Variants in HPSE2 observed in about 807,000 individuals in gnomAD.
HPSE2 encodes inactive heparanase-2.
In HPSE2, 38 loss-of-function variants were observed where a neutral mutation model predicts 60.5. The ratio of observed to expected loss-of-function variants is 0.63; its 90% confidence interval spans 0.48 to 0.82. The LOEUF is 0.82. HPSE2 is among the 40% of genes least tolerant of loss of function. The pLI, the probability that HPSE2 is intolerant of heterozygous loss-of-function variation, is 0.00. For missense variants in HPSE2, 713 were observed against 740.4 expected (o/e 0.96, Z 0.43); for synonymous variants, 295 against 293.2 (o/e 1.01, Z -0.06).
chr10:98,572,179 GATCTGCCCACCTCAGCTC>G (rs1387854202), intron 9 of HPSE2, among the ~76,000 whole-genome samples: 1 of 152,050 alleles, frequency 6.6e-6, no homozygotes, highest in Non-Finnish European at 1.5e-5. Flanking sequence ...GACCTCAGGT[GATCTGCCCACCTCAGCTC>G]CCAAAGTGCT....
intron 2 of HPSE2, among the ~76,000 whole-genome samples, chr10:99,153,396 T>C (rs1846370752): frequency 6.6e-6 from 1 of 152,126 alleles, no homozygotes; most frequent in African/African-American, 2.4e-5. Context: ...AGCAGGCAGG[T>C]AGAGATCTGA....
chr10:98,611,293 T>C (rs912249317), intron 9 of HPSE2, among the ~76,000 whole-genome samples: 2 of 152,168 alleles, frequency 1.3e-5, no homozygotes, highest in African/African-American at 4.8e-5. Flanking sequence ...CCTCATATTC[T>C]CTCTTACCTT....
chr10:99,184,819 T>TATATATATATATATATAG (rs1554912295), intron 2 of HPSE2, among the ~76,000 whole-genome samples: 1 of 19,864 alleles, frequency 5.0e-5, no homozygotes, highest in Non-Finnish European at 9.9e-5. Context: ...TATATATATA[T>TATATATATATATATATAG]AGAGAGAGAG....
the HPSE2 span, among the ~76,000 whole-genome samples, chr10:99,290,488 G>T: frequency 6.6e-6 from 1 of 152,184 alleles, no homozygotes; most frequent in African/African-American, 2.4e-5. Flanking sequence ...TCACTGTTAA[G>T]GGATCCATCT....
At chr10:98,581,708 C>T (rs188522231) in intron 9 of HPSE2, among the ~76,000 whole-genome samples, 46 of 152,112 alleles carry the variant, frequency 3.0e-4, no homozygotes, top group South Asian at 2.9e-3. Context: ...AATTATAAAA[C>T]GAAATAAAAG....
intron 2 of HPSE2, among the ~76,000 whole-genome samples, chr10:99,197,137 G>GC (rs1848426847): frequency 6.6e-6 from 1 of 152,108 alleles, no homozygotes; most frequent in South Asian, 2.1e-4. Context: ...GACAAACATT[G>GC]CATGTTCTCA....
intron 3 of HPSE2, among the ~76,000 whole-genome samples, chr10:98,820,488 T>C (rs2134609184): frequency 6.6e-6 from 1 of 152,298 alleles, no homozygotes; most frequent in South Asian, 2.1e-4. Flanking sequence ...ACTGAATACC[T>C]AATTTTCCTT....
chr10:98,953,452 C>A (rs1448893008), intron 3 of HPSE2, among the ~76,000 whole-genome samples: 1 of 152,132 alleles, frequency 6.6e-6, no homozygotes, highest in Non-Finnish European at 1.5e-5. Context: ...TCAGCCATCT[C>A]ACCACATCAA....
intron 9 of HPSE2, among the ~76,000 whole-genome samples, chr10:98,585,319 T>C (rs1453845101): frequency 6.6e-6 from 1 of 150,850 alleles, no homozygotes; most frequent in East Asian, 2.0e-4. Flanking sequence ...TCACCTAGGC[T>C]GGAGTACAGT....
intron 3 of HPSE2, among the ~76,000 whole-genome samples, chr10:99,035,008 GA>G (rs1299541699): frequency 6.6e-6 from 1 of 152,206 alleles, no homozygotes; most frequent in African/African-American, 2.4e-5. Context: ...GTGGTGAGTA[GA>G]TGTGAAGAGC....
chr10:99,186,476 G>A (rs2133848929), intron 2 of HPSE2, among the ~76,000 whole-genome samples: 1 of 142,916 alleles, frequency 7.0e-6, no homozygotes, highest in East Asian at 2.2e-4. Context: ...CCGAGAGGCG[G>A]AGGTTACAGT....
intron 4 of HPSE2, among the ~76,000 whole-genome samples, chr10:98,727,880 G>T (rs4508137): frequency 0.42 from 63,447 of 151,942 alleles, 14,772 homozygotes; most frequent in South Asian, 0.56. Context: ...GAGGCCAGAA[G>T]ATGGTAGGAT....
At chr10:98,724,743 T>C (rs939435040) in intron 4 of HPSE2, among the ~76,000 whole-genome samples, 3 of 152,192 alleles carry the variant, frequency 2.0e-5, no homozygotes, top group African/African-American at 7.2e-5. Flanking sequence ...TCTCTTTTGA[T>C]CTTTGTTGAT....
At position 98,921,111 on chromosome 10, in the gene HPSE2, C is replaced by A. The variant is rs556703748; in HGVS notation, c.611-177055G>T. 2.6e-5 allele frequency among the ~76,000 whole-genome samples: 4 copies of A among 152,292 alleles called. No homozygotes were observed. The East Asian group carries it at 7.7e-4, about 29-fold the overall frequency. ...ACTTCAGGCATGTTTCCCTCTGCCCCTCTCTGATCCTCCATTCTCTCATAT... is the reference window on the plus strand; with the variant it reads ...ACTTCAGGCATGTTTCCCTCTGCCCATCTCTGATCCTCCATTCTCTCATAT... On this transcript the variant is annotated intron_variant, in intron 3 of 11. Transcript: ENST00000370552.
At chr10:99,297,774 G>C in the HPSE2 span, among the ~76,000 whole-genome samples, 2 of 151,972 alleles carry the variant, frequency 1.3e-5, no homozygotes, top group Non-Finnish European at 2.9e-5. Flanking sequence ...TCAACACTTG[G>C]CGAGGGGACC....
At chr10:98,507,045 A>G (rs1193450575) in intron 9 of HPSE2, among the ~76,000 whole-genome samples, 1 of 152,240 alleles carries the variant, frequency 6.6e-6, no homozygotes, top group Non-Finnish European at 1.5e-5. Context: ...GTTTAAAATT[A>G]GCGCATGCAT....
chr10:98,966,631 CCCT>C (rs1955821159), intron 3 of HPSE2, among the ~76,000 whole-genome samples: 1 of 152,160 alleles, frequency 6.6e-6, no homozygotes, highest in Non-Finnish European at 1.5e-5. Context: ...CACCTCTACT[CCCT>C]CTGTGACGCG....
At chr10:99,032,746 A>G (rs749806746) in intron 3 of HPSE2, among the ~76,000 whole-genome samples, 1 of 152,148 alleles carries the variant, frequency 6.6e-6, no homozygotes, top group Non-Finnish European at 1.5e-5. Context: ...TCTAAGGGAG[A>G]GTCTATTTCT....
At position 99,232,465 on chromosome 10, in the gene HPSE2, CG is replaced by C; in HGVS notation, c.330del (p.Ala111ProfsTer18). On this transcript the variant is annotated frameshift_variant, in exon 2 of 12. Transcript: ENST00000370552. LOFTEE classifies it high-confidence loss of function. ...RLVTLARGLS[P>X]AFLRFGGKRT... ...CTTTTGCCCCCGAAGCGCAGAAAGG[CG>C]GGCGAAAGTCCCCGGGCCAGGGTCA... is the stretch of plus-strand genomic sequence containing the variant. The C allele has an allele frequency of 6.4e-7, 1 of 1,557,852 alleles. No individual in the cohort carries two copies. The highest frequency in any genetic ancestry group is 2.4e-5 in the East Asian group (1 of 41,604).
Sources: gnomAD v4.1 joint callset for allele counts (sites outside exome capture counted in the v4.1 genomes callset) on GRCh38, gnomAD v4.1.1 for gene constraint, MANE v1.5 for transcripts, NCBI Gene and HGNC (gene_info 2026-07-23, HGNC 2026-07-21) for gene names.